Variants in TACR1 observed in about 807,000 individuals in gnomAD.
The protein encoded by TACR1 is substance-P receptor.
TACR1 carries 25 observed loss-of-function variants against 35.8 expected under a neutral mutation model. That is an observed-to-expected ratio of 0.70 (90% CI 0.51 to 0.98). TACR1 has a LOEUF of 0.98. TACR1 is among the 50% of genes least tolerant of loss of function. TACR1 has a pLI of 0.00. For synonymous variants in TACR1, 195 were observed against 206.7 expected (o/e 0.94, Z 0.48); for missense variants, 478 against 522.9 (o/e 0.91, Z 0.84).
At chr2:75,142,244 A>G (rs922915717) in intron 1 of TACR1, among the ~76,000 whole-genome samples, 1 of 152,032 alleles carries the variant, frequency 6.6e-6, no homozygotes, top group African/African-American at 2.4e-5. Context: ...TGAGTGTTCC[A>G]TTTTCTCATT....
At chr2:75,118,444 C>A (rs1453089962) in intron 2 of TACR1, among the ~76,000 whole-genome samples, 1 of 152,124 alleles carries the variant, frequency 6.6e-6, no homozygotes, top group Non-Finnish European at 1.5e-5. Flanking sequence ...CAATGGCAAA[C>A]ATAACTGTAC....
chr2:75,083,881 A>C (rs545274685), intron 2 of TACR1, among the ~76,000 whole-genome samples: 1 of 152,110 alleles, frequency 6.6e-6, no homozygotes, highest in African/African-American at 2.4e-5. Flanking sequence ...AACAGGGACA[A>C]TTTGACTTCC....
In TACR1 at chr2:75,053,610, G is replaced by A. The variant is rs779651637; in HGVS notation, c.730C>T (p.Arg244Cys). The change falls in exon 3 of 5, where the codon CGC becomes TGC. Residue 244 changes from arginine (R) to cysteine (C), a missense_variant. Coordinates refer to ENST00000305249, the MANE Select transcript of TACR1 (RefSeq NM_001058.4). ...DRYHEQVSAK[R>C]KVVKMMIVVV... ...TCTGCCTGTCCCCTGCTCACCTTGC[G>A]CTTGGCAGAGACTTGCTCGTGGTAG... 4 of 1,544,326 alleles carry A rather than the reference G, an allele frequency of 2.6e-6. No homozygotes were observed. The highest frequency in any genetic ancestry group is 1.3e-5 in the South Asian group (1 of 78,622).
intron 1 of TACR1, among the ~76,000 whole-genome samples, chr2:75,130,745 A>T (rs1674161892): frequency 6.6e-6 from 1 of 152,230 alleles, no homozygotes; most frequent in South Asian, 2.1e-4. Context: ...AAAGACACAC[A>T]TCTGCTGAAG....
chr2:75,125,477 G>T (rs997757289), intron 1 of TACR1, among the ~76,000 whole-genome samples: 1 of 152,080 alleles, frequency 6.6e-6, no homozygotes, highest in Non-Finnish European at 1.5e-5. Flanking sequence ...GAGCCACCGC[G>T]CCGGGCCTTT....
rs558054604 is a variant in TACR1 at position 75,119,876 on chromosome 2, A to G, written c.584+698T>C. On this transcript the variant is annotated intron_variant, in intron 2 of 4. Coordinates refer to ENST00000305249, the MANE Select transcript of TACR1 (RefSeq NM_001058.4). ...TACCTTATTCGGGAGAAGAAACACCAGTAGGAAAAGGGAGCAGTGATATAG... is the reference window on the plus strand; with the variant it reads ...TACCTTATTCGGGAGAAGAAACACCGGTAGGAAAAGGGAGCAGTGATATAG... Among the ~76,000 whole-genome samples the G allele has an allele frequency of 5.9e-5, 9 of 152,340 alleles. No individual in the cohort carries two copies. The South Asian group carries it at 1.9e-3, about 32-fold the overall frequency.
intron 1 of TACR1, among the ~76,000 whole-genome samples, chr2:75,178,600 C>T (rs1346202936): frequency 2.6e-5 from 4 of 152,142 alleles, no homozygotes; most frequent in Non-Finnish European, 5.9e-5. Flanking sequence ...TTTTCTCCCA[C>T]TTATAACTCC....
chr2:75,110,166 A>G (rs957152514), intron 2 of TACR1, among the ~76,000 whole-genome samples: 2 of 152,158 alleles, frequency 1.3e-5, no homozygotes, highest in African/African-American at 4.8e-5. Context: ...ATCAGATGGT[A>G]TCAGATTTCT....
At chr2:75,150,683 C>T (rs1674650254) in intron 1 of TACR1, among the ~76,000 whole-genome samples, 1 of 152,098 alleles carries the variant, frequency 6.6e-6, no homozygotes, top group Non-Finnish European at 1.5e-5. Flanking sequence ...AAACTGGTAC[C>T]AGTAGAGTGG....
intron 2 of TACR1, among the ~76,000 whole-genome samples, chr2:75,093,811 C>T (rs1673356394): frequency 1.3e-5 from 2 of 151,912 alleles, no homozygotes; most frequent in South Asian, 4.2e-4. Flanking sequence ...ATGGCTATTC[C>T]ATTGATAACT....
intron 1 of TACR1, among the ~76,000 whole-genome samples, chr2:75,195,921 T>C (rs1471604790): frequency 6.6e-6 from 1 of 152,192 alleles, no homozygotes; most frequent in African/African-American, 2.4e-5. Context: ...TACAAAATTA[T>C]ATAGAATCTA....
chr2:75,154,488 C>CACACACACACA (rs367627435), intron 1 of TACR1: 1 of 53,540 alleles, frequency 1.9e-5, no homozygotes, highest in Admixed American at 2.2e-4. Flanking sequence ...CACTAACCCA[C>CACACACACACA]CACACACACA....
At chr2:75,171,293 G>A (rs892200565) in intron 1 of TACR1, among the ~76,000 whole-genome samples, 2 of 152,238 alleles carry the variant, frequency 1.3e-5, no homozygotes, top group Admixed American at 1.3e-4. Flanking sequence ...TACATGTGGT[G>A]TTGGGTCTGT....
At chr2:75,143,176 T>A (rs1558567390) in intron 1 of TACR1, among the ~76,000 whole-genome samples, 1 of 152,258 alleles carries the variant, frequency 6.6e-6, no homozygotes, top group African/African-American at 2.4e-5. Context: ...TAGTCTGAGG[T>A]GCAAGCGAGG....
chr2:75,190,137 T>C (rs1017964724), intron 1 of TACR1, among the ~76,000 whole-genome samples: 4 of 152,188 alleles, frequency 2.6e-5, no homozygotes, highest in African/African-American at 4.8e-5. Context: ...CACTGTAACT[T>C]CAACAAATTG....
At chr2:75,052,685 T>C (rs1180731229) in intron 3 of TACR1, among the ~76,000 whole-genome samples, 1 of 152,130 alleles carries the variant, frequency 6.6e-6, no homozygotes, top group South Asian at 2.1e-4. Flanking sequence ...TAATATATAT[T>C]TACTTATTTA....
intron 1 of TACR1, among the ~76,000 whole-genome samples, chr2:75,140,255 A>C (rs1231411825): frequency 6.6e-6 from 1 of 152,052 alleles, no homozygotes; most frequent in Non-Finnish European, 1.5e-5. Context: ...ACCTTTTCCC[A>C]CTCAAGTTAA....
chr2:75,059,788 A>C (rs1672636693), intron 2 of TACR1, among the ~76,000 whole-genome samples: 1 of 152,120 alleles, frequency 6.6e-6, no homozygotes, highest in Non-Finnish European at 1.5e-5. Flanking sequence ...GCCATCTCTC[A>C]TTTGATACAA....
At position 75,162,129 on chromosome 2, in the gene TACR1, G is replaced by A. The variant is rs564194760; in HGVS notation, c.389+36417C>T. Among the ~76,000 whole-genome samples the A allele has an allele frequency of 5.3e-5, 8 of 151,648 alleles. No homozygotes were observed. In the South Asian group the frequency reaches 8.3e-4, roughly 16 times the overall value. On this transcript the variant is annotated intron_variant, in intron 1 of 4. Coordinates refer to ENST00000305249, the MANE Select transcript of TACR1 (RefSeq NM_001058.4). ...CTTCCAATTAATATCACTCAGGAGC[G>A]TATTGAAAATCCATTTGCAGAATGG...
Sources: allele counts gnomAD v4.1 joint callset (sites outside exome capture counted in the v4.1 genomes callset), GRCh38; gene constraint gnomAD v4.1.1; transcripts MANE v1.5; gene names NCBI Gene and HGNC (gene_info 2026-07-23, HGNC 2026-07-21).